The following EPHA6 variants were observed in gnomAD, a reference collection of about 807,000 sequenced individuals.
The protein encoded by EPHA6 is EPH receptor A6.
Under a neutral mutation model 112.0 loss-of-function variants are expected in EPHA6, and 50 were observed. The observed-to-expected ratio is 0.45, with a 90% CI of 0.36 to 0.56. The LOEUF is 0.56. EPHA6 is among the 20% of genes least tolerant of loss of function. EPHA6 has a pLI of 0.00. For missense variants in EPHA6, 1,280 were observed against 1,417.4 expected (o/e 0.90, Z 1.56); for synonymous variants, 529 against 490.7 (o/e 1.08, Z -1.03).
At chr3:97,726,973 G>GGTTTT (rs767309718) in intron 15 of EPHA6, among the ~76,000 whole-genome samples, 20 of 151,952 alleles carry the variant, frequency 1.3e-4, no homozygotes, top group African/African-American at 2.2e-4. Flanking sequence ...TGCAGTCTTG[G>GGTTTT]GTTTTGTTTC....
At chr3:96,834,046 T>G (rs1327683152) in intron 1 of EPHA6, among the ~76,000 whole-genome samples, 1 of 152,076 alleles carries the variant, frequency 6.6e-6, no homozygotes, top group Non-Finnish European at 1.5e-5. Context: ...TACATTTGTA[T>G]AAATTAATCT....
At chr3:97,508,097 A>G (rs1024096058) in intron 10 of EPHA6, among the ~76,000 whole-genome samples, 1 of 151,776 alleles carries the variant, frequency 6.6e-6, no homozygotes, top group African/African-American at 2.4e-5. Flanking sequence ...TTTGTTAATC[A>G]TTTCAAAAAA....
chr3:97,712,781 GT>G (rs2034034458), intron 14 of EPHA6, among the ~76,000 whole-genome samples: 1 of 152,168 alleles, frequency 6.6e-6, no homozygotes, highest in Admixed American at 6.5e-5. Flanking sequence ...ACGATAAGCA[GT>G]GTTTTATTAC....
chr3:97,311,290 A>G (rs946730952), intron 5 of EPHA6, among the ~76,000 whole-genome samples: 4 of 151,522 alleles, frequency 2.6e-5, no homozygotes, highest in African/African-American at 9.7e-5. Flanking sequence ...ACATCTTTGA[A>G]GTTCTGTCAT....
At chr3:97,106,799 G>A (rs959386566) in intron 3 of EPHA6, among the ~76,000 whole-genome samples, 32 of 152,078 alleles carry the variant, frequency 2.1e-4, no homozygotes, top group African/African-American at 6.8e-4. Flanking sequence ...GTATGCCTGC[G>A]CTCCCTAGGG....
At chr3:97,383,332 G>A (rs559509908) in intron 5 of EPHA6, among the ~76,000 whole-genome samples, 4 of 151,986 alleles carry the variant, frequency 2.6e-5, no homozygotes, top group Admixed American at 2.0e-4. Flanking sequence ...GAACATATCC[G>A]GAAACACTGA....
rs189050612 is a variant in EPHA6 at position 97,008,392 on chromosome 3, G to C, written c.1114+20399G>C. ...CTGATAACCTTTCTTCCGCTGGGTCGATTTGGCTGTTGATACTTGTGTATG... is the reference window on the plus strand; with the variant it reads ...CTGATAACCTTTCTTCCGCTGGGTCCATTTGGCTGTTGATACTTGTGTATG... On this transcript the variant is annotated intron_variant, in intron 3 of 17. Transcript: ENST00000389672. Among the ~76,000 whole-genome samples, 9 of 152,194 alleles carry C rather than the reference G, an allele frequency of 5.9e-5. No individual in the cohort carries two copies. In the East Asian group the frequency reaches 1.7e-3, roughly 29 times the overall value.
At chr3:97,355,916 A>G (rs2084047891) in intron 5 of EPHA6, among the ~76,000 whole-genome samples, 1 of 152,328 alleles carries the variant, frequency 6.6e-6, no homozygotes, top group East Asian at 1.9e-4. Context: ...TTCTAGATAA[A>G]AACTATAAAA....
chr3:97,360,823 G>A (rs2084333791), intron 5 of EPHA6, among the ~76,000 whole-genome samples: 1 of 152,140 alleles, frequency 6.6e-6, no homozygotes, highest in Non-Finnish European at 1.5e-5. Flanking sequence ...GAAAAATAAT[G>A]AAGTAAACAA....
At chr3:97,339,788 A>G (rs1238138071) in intron 5 of EPHA6, among the ~76,000 whole-genome samples, 1 of 152,210 alleles carries the variant, frequency 6.6e-6, no homozygotes, top group Non-Finnish European at 1.5e-5. Context: ...TGGGTACTCC[A>G]CTGTTTATAA....
intron 7 of EPHA6, among the ~76,000 whole-genome samples, chr3:97,461,421 C>A (rs1577475947): frequency 6.6e-6 from 1 of 152,088 alleles, no homozygotes; most frequent in Non-Finnish European, 1.5e-5. Flanking sequence ...TATAAGGATA[C>A]CACCTACTTT....
chr3:97,322,105 T>C (rs2082148788), intron 5 of EPHA6, among the ~76,000 whole-genome samples: 1 of 152,066 alleles, frequency 6.6e-6, no homozygotes, highest in Admixed American at 6.6e-5. Flanking sequence ...TTTTCCTTTC[T>C]AAAGAAAGCA....
intron 5 of EPHA6, among the ~76,000 whole-genome samples, chr3:97,305,629 A>G (rs2081285313): frequency 6.6e-6 from 1 of 151,968 alleles, no homozygotes; most frequent in Non-Finnish European, 1.5e-5. Flanking sequence ...AGAAAACCAA[A>G]CACTACATGT....
At chr3:97,615,341 G>C (rs910900848) in intron 13 of EPHA6, among the ~76,000 whole-genome samples, 3 of 152,128 alleles carry the variant, frequency 2.0e-5, no homozygotes, top group African/African-American at 7.2e-5. Flanking sequence ...GATTCACAGA[G>C]TCCTGGGAGC....
chr3:97,533,670 G>A (rs948708002), intron 11 of EPHA6, among the ~76,000 whole-genome samples: 1 of 151,672 alleles, frequency 6.6e-6, no homozygotes, highest in Admixed American at 6.6e-5. Flanking sequence ...GCAAGTAAAG[G>A]CATCTTACAT....
chr3:96,916,834 C>A (rs575773613), intron 2 of EPHA6, among the ~76,000 whole-genome samples: 1 of 152,084 alleles, frequency 6.6e-6, no homozygotes, highest in Non-Finnish European at 1.5e-5. Flanking sequence ...GAATCCCAAG[C>A]AAATGGCAAA....
At chr3:97,601,385 T>C (rs955775816) in intron 12 of EPHA6, among the ~76,000 whole-genome samples, 1 of 152,166 alleles carries the variant, frequency 6.6e-6, no homozygotes, top group African/African-American at 2.4e-5. Flanking sequence ...CTCAGCTGTC[T>C]ATTCCTCTCC....
intron 3 of EPHA6, among the ~76,000 whole-genome samples, chr3:97,027,649 A>G (rs1226978911): frequency 2.6e-5 from 4 of 152,180 alleles, no homozygotes; most frequent in African/African-American, 9.6e-5. Context: ...ATCTGAAAAT[A>G]AGTGAATCCA....
At chr3:97,079,857 A>G (rs2108194078) in intron 3 of EPHA6, among the ~76,000 whole-genome samples, 1 of 151,976 alleles carries the variant, frequency 6.6e-6, no homozygotes, top group African/African-American at 2.4e-5. Flanking sequence ...GCTCTCCACC[A>G]GCAAAAAAAT....
Sources: gnomAD v4.1 joint callset for allele counts (sites outside exome capture counted in the v4.1 genomes callset) on GRCh38, gnomAD v4.1.1 for gene constraint, MANE v1.5 for transcripts, NCBI Gene and HGNC (gene_info 2026-07-23, HGNC 2026-07-21) for gene names.